Variants in ENTREP2 observed in about 807,000 individuals in gnomAD.
ENTREP2 encodes the protein endosomal transmembrane epsin interactor 2, also known as protein ENTREP2.
At chr15:29,456,451 G>A in the ENTREP2 span, among the ~76,000 whole-genome samples, 2 of 152,182 alleles carry the variant, frequency 1.3e-5, no homozygotes, top group African/African-American at 4.8e-5. Context: ...AGGGATGGGG[G>A]TGACGTCAAG....
the ENTREP2 span, among the ~76,000 whole-genome samples, chr15:29,511,883 A>G: frequency 1.3e-5 from 2 of 150,214 alleles, no homozygotes; most frequent in Non-Finnish European, 3.0e-5. Flanking sequence ...CTGACGTGTT[A>G]TCTATTGTAA....
At chr15:29,490,456 C>T in the ENTREP2 span, among the ~76,000 whole-genome samples, 2 of 152,130 alleles carry the variant, frequency 1.3e-5, no homozygotes, top group Admixed American at 6.5e-5. Flanking sequence ...CTTGTCTGAC[C>T]CCACCCACAT....
chr15:29,602,755 C>T, the ENTREP2 span, among the ~76,000 whole-genome samples: 1 of 152,102 alleles, frequency 6.6e-6, no homozygotes, highest in Non-Finnish European at 1.5e-5. Context: ...TTCCTGGGAG[C>T]TCCTTAATGA....
chr15:29,393,851 C>G, the ENTREP2 span, among the ~76,000 whole-genome samples: 2 of 151,916 alleles, frequency 1.3e-5, no homozygotes, highest in Non-Finnish European at 2.9e-5. Context: ...TATTTATTTA[C>G]TCTTTTAGCC....
At chr15:29,158,578 T>C in the ENTREP2 span, among the ~76,000 whole-genome samples, 14 of 152,090 alleles carry the variant, frequency 9.2e-5, no homozygotes, top group African/African-American at 3.1e-4. Flanking sequence ...CTAATTTTGA[T>C]GTATATTTTT....
the ENTREP2 span, among the ~76,000 whole-genome samples, chr15:29,363,805 A>G: frequency 6.6e-6 from 1 of 152,220 alleles, no homozygotes; most frequent in African/African-American, 2.4e-5. Context: ...ATACTTATGC[A>G]TAAAGTAAGG....
chr15:29,314,251 T>C, the ENTREP2 span, among the ~76,000 whole-genome samples: 1 of 152,204 alleles, frequency 6.6e-6, no homozygotes, highest in African/African-American at 2.4e-5. Flanking sequence ...GAGGACTGAC[T>C]CAAATTTTGA....
At chr15:29,128,969 T>G in the ENTREP2 span, 1 of 685,772 alleles carries the variant, frequency 1.5e-6, no homozygotes, top group African/African-American at 1.8e-5. Flanking sequence ...TGGGAAGCGC[T>G]GAGAGACGTT....
chr15:29,643,422 T>C, the ENTREP2 span, among the ~76,000 whole-genome samples: 4 of 152,100 alleles, frequency 2.6e-5, no homozygotes, highest in East Asian at 5.8e-4. Context: ...CTAAACCACA[T>C]GAGACGGCAC....
chr15:29,673,919 G>A, the ENTREP2 span, among the ~76,000 whole-genome samples: 1 of 151,612 alleles, frequency 6.6e-6, no homozygotes, highest in South Asian at 2.1e-4. Flanking sequence ...TGAAGGTTGA[G>A]TTTGGGATGT....
chr15:29,670,554 C>T, the ENTREP2 span, among the ~76,000 whole-genome samples: 23 of 152,204 alleles, frequency 1.5e-4, no homozygotes, highest in Non-Finnish European at 3.1e-4. Flanking sequence ...ATTCAGGGCA[C>T]TGTTGTCCCT....
chr15:29,444,612 G>A, the ENTREP2 span, among the ~76,000 whole-genome samples: 75 of 151,750 alleles, frequency 4.9e-4, 1 homozygote, highest in Middle Eastern at 3.4e-3. Flanking sequence ...CACTACAGGC[G>A]CCCACCACCA....
At chr15:29,614,647 T>C in the ENTREP2 span, among the ~76,000 whole-genome samples, 1 of 152,204 alleles carries the variant, frequency 6.6e-6, no homozygotes, top group Non-Finnish European at 1.5e-5. Context: ...TCCAGGAAGC[T>C]GGGTCCCATT....
the ENTREP2 span, among the ~76,000 whole-genome samples, chr15:29,407,515 CT>C: frequency 6.6e-6 from 1 of 152,114 alleles, no homozygotes; most frequent in Non-Finnish European, 1.5e-5. Flanking sequence ...AAAACAGAGG[CT>C]CTAGCCCAGG....
the ENTREP2 span, chr15:29,267,655 A>C: frequency 6.6e-6 from 1 of 152,202 alleles, no homozygotes; most frequent in Non-Finnish European, 1.5e-5. Flanking sequence ...CATACAATAG[A>C]GTGAGACTAG....
the ENTREP2 span, among the ~76,000 whole-genome samples, chr15:29,127,888 G>A: frequency 4.6e-5 from 7 of 152,180 alleles, no homozygotes; most frequent in African/African-American, 1.2e-4. Flanking sequence ...TGGGTTGGCC[G>A]TGGGAAAGTC....
chr15:29,373,338 G>A, the ENTREP2 span, among the ~76,000 whole-genome samples: 51 of 152,112 alleles, frequency 3.4e-4, no homozygotes, highest in Admixed American at 5.9e-4. Flanking sequence ...AAGGAACCAA[G>A]GGAACCTGAG....
At chr15:29,263,241 T>G in the ENTREP2 span, among the ~76,000 whole-genome samples, 1 of 152,216 alleles carries the variant, frequency 6.6e-6, no homozygotes, top group African/African-American at 2.4e-5. Context: ...GCCTTTCACA[T>G]GTAGATTTGT....
chr15:29,264,169 C>T, the ENTREP2 span, among the ~76,000 whole-genome samples: 1 of 52,870 alleles, frequency 1.9e-5, no homozygotes, highest in African/African-American at 9.3e-5. Flanking sequence ...AAAAAAAGAA[C>T]TCCCTCTCTT....
Sources: allele counts gnomAD v4.1 joint callset (sites outside exome capture counted in the v4.1 genomes callset), GRCh38; gene constraint gnomAD v4.1.1; transcripts MANE v1.5; gene names NCBI Gene and HGNC (gene_info 2026-07-23, HGNC 2026-07-21).